Variants in DLG2 observed in about 807,000 individuals in gnomAD.
The protein encoded by DLG2 is disks large homolog 2.
In DLG2, 45 loss-of-function variants were observed where a neutral mutation model predicts 132.5. The ratio of observed to expected loss-of-function variants is 0.34; its 90% confidence interval spans 0.27 to 0.44. DLG2 has a LOEUF of 0.44. Among genes scored for constraint, DLG2 ranks in the 20% least tolerant of loss-of-function variants. The pLI, the probability that DLG2 is intolerant of heterozygous loss-of-function variation, is 1.00. For synonymous variants in DLG2, 424 were observed against 419.6 expected, an observed-to-expected ratio of 1.01 and a Z score of -0.13; for missense variants, 1,045 against 1,196.9, an observed-to-expected ratio of 0.87 and a Z score of 1.87.
chr11:84,166,472 A>C (rs1287247306), intron 8 of DLG2, among the ~76,000 whole-genome samples: 2 of 136,986 alleles, frequency 1.5e-5, no homozygotes, highest in Non-Finnish European at 3.1e-5. Context: ...ACTGTGCTCC[A>C]GCCTGGTGAC....
intron 18 of DLG2, among the ~76,000 whole-genome samples, chr11:83,645,321 A>G (rs1217181807): frequency 6.6e-6 from 1 of 152,138 alleles, no homozygotes; most frequent in Admixed American, 6.6e-5. Flanking sequence ...AATTCCAGTG[A>G]CTGGGAATAT....
chr11:84,294,172 G>C (rs1353780843), intron 7 of DLG2, among the ~76,000 whole-genome samples: 1 of 152,126 alleles, frequency 6.6e-6, no homozygotes, highest in Non-Finnish European at 1.5e-5. Context: ...TTCTAACCTA[G>C]GTCCTTCTTG....
At chr11:83,541,036 A>T (rs2096053671) in intron 20 of DLG2, among the ~76,000 whole-genome samples, 1 of 152,086 alleles carries the variant, frequency 6.6e-6, no homozygotes, top group African/African-American at 2.4e-5. Flanking sequence ...AGAAAGCATG[A>T]TACTCTTGAT....
chr11:84,053,426 T>G (rs978044222), intron 11 of DLG2, among the ~76,000 whole-genome samples: 4 of 152,076 alleles, frequency 2.6e-5, no homozygotes, highest in South Asian at 4.1e-4. Context: ...CCTCTGAACT[T>G]AAATTAAAAG....
intron 3 of DLG2, among the ~76,000 whole-genome samples, chr11:85,386,335 G>C (rs567682263): frequency 6.6e-6 from 1 of 152,084 alleles, no homozygotes; most frequent in South Asian, 2.1e-4. Context: ...CTGATGTTTG[G>C]TAAGATAAAA....
chr11:83,726,485 T>A (rs1366241306), intron 18 of DLG2, among the ~76,000 whole-genome samples: 2 of 152,246 alleles, frequency 1.3e-5, no homozygotes, highest in Non-Finnish European at 2.9e-5. Context: ...TCATTTATTT[T>A]ATGATTGGTT....
intron 3 of DLG2, among the ~76,000 whole-genome samples, chr11:85,385,242 G>A (rs1055928979): frequency 6.6e-6 from 1 of 152,160 alleles, no homozygotes; most frequent in African/African-American, 2.4e-5. Flanking sequence ...AGCCTGATAG[G>A]GTTATTTTAT....
At chr11:85,548,798 A>C (rs2076485446) in intron 3 of DLG2, among the ~76,000 whole-genome samples, 1 of 151,954 alleles carries the variant, frequency 6.6e-6, no homozygotes, top group African/African-American at 2.4e-5. Flanking sequence ...GTGAGGGTAA[A>C]ACCACCTACT....
chr11:84,254,273 A>C (rs1332987607), intron 7 of DLG2, among the ~76,000 whole-genome samples: 1 of 152,158 alleles, frequency 6.6e-6, no homozygotes, highest in Middle Eastern at 3.2e-3. Context: ...TTATGGGAAT[A>C]AATTTTATAC....
intron 11 of DLG2, among the ~76,000 whole-genome samples, chr11:84,053,225 G>A (rs978615289): frequency 3.3e-5 from 5 of 151,920 alleles, no homozygotes; most frequent in Admixed American, 1.3e-4. Flanking sequence ...GAGAATACAC[G>A]GACACATGGA....
intron 18 of DLG2, among the ~76,000 whole-genome samples, chr11:83,751,105 T>C (rs2093277318): frequency 6.6e-6 from 1 of 152,218 alleles, no homozygotes; most frequent in Non-Finnish European, 1.5e-5. Context: ...ATATAAAGTA[T>C]ATGTATACTG....
Position 84,915,317 on chromosome 11 carries a change from AAAAG to A in DLG2, c.357+196340_357+196343del, listed in dbSNP as rs376109605. Among the ~76,000 whole-genome samples, 798 of 152,346 alleles carry A rather than the reference AAAAG, an allele frequency of 5.2e-3. 4 individuals carry two copies. Among genetic ancestry groups the A allele is most frequent in the Middle Eastern group, 0.014 (4 of 294 alleles). ...CATTTAATCTTGACCAACATTATAA[AAAAG>A]AAAGAAATTGTTAAAAGTTGGAACG... On this transcript the variant is annotated intron_variant, in intron 6 of 27. Transcript: ENST00000376104.
chr11:84,197,950 A>G (rs1443146156), intron 8 of DLG2, among the ~76,000 whole-genome samples: 2 of 152,198 alleles, frequency 1.3e-5, no homozygotes. Flanking sequence ...CAAATTTATT[A>G]TCATTTCATA....
chr11:84,198,511 A>G (rs914939708), intron 8 of DLG2, among the ~76,000 whole-genome samples: 3 of 152,194 alleles, frequency 2.0e-5, no homozygotes, highest in African/African-American at 7.2e-5. Context: ...GCACAAGGAA[A>G]TAAATACTAT....
At chr11:84,565,517 T>C (rs2099449923) in intron 6 of DLG2, among the ~76,000 whole-genome samples, 1 of 152,158 alleles carries the variant, frequency 6.6e-6, no homozygotes, top group African/African-American at 2.4e-5. Flanking sequence ...TAGATGCCCC[T>C]GAATGAAGGT....
chr11:84,707,015 G>A (rs1232052219), intron 6 of DLG2, among the ~76,000 whole-genome samples: 2 of 151,758 alleles, frequency 1.3e-5, no homozygotes, highest in Non-Finnish European at 2.9e-5. Context: ...ACCTAGCTGT[G>A]ACAGTGCAAA....
At chr11:85,622,224 T>TCC (rs2081760783) in intron 2 of DLG2, among the ~76,000 whole-genome samples, 1 of 152,244 alleles carries the variant, frequency 6.6e-6, no homozygotes, top group African/African-American at 2.4e-5. Context: ...TATAGTATAG[T>TCC]ATATACTGTA....
chr11:85,231,429 C>T (rs533740455), intron 4 of DLG2, among the ~76,000 whole-genome samples: 75 of 152,000 alleles, frequency 4.9e-4, no homozygotes, highest in Non-Finnish European at 8.5e-4. Context: ...CATTTCATGG[C>T]TGGGATTTTC....
At chr11:84,861,835 G>C (rs895290531) in intron 6 of DLG2, among the ~76,000 whole-genome samples, 3 of 151,888 alleles carry the variant, frequency 2.0e-5, no homozygotes, top group Admixed American at 1.3e-4. Context: ...ACATTTATGA[G>C]AACAACAAAC....
Sources: allele counts gnomAD v4.1 joint callset (sites outside exome capture counted in the v4.1 genomes callset), GRCh38; gene constraint gnomAD v4.1.1; transcripts MANE v1.5; gene names NCBI Gene and HGNC (gene_info 2026-07-23, HGNC 2026-07-21).